The following PTPRD variants were observed in gnomAD, a reference collection of about 807,000 sequenced individuals.
The protein encoded by PTPRD is protein tyrosine phosphatase receptor type D, also known as receptor-type tyrosine-protein phosphatase delta.
In PTPRD, 34 loss-of-function variants were observed where a neutral mutation model predicts 214.5. That is an observed-to-expected ratio of 0.16 (90% CI 0.12 to 0.21). The LOEUF (loss-of-function observed/expected upper bound fraction) is 0.21. Among genes scored for constraint, PTPRD ranks in the 10% least tolerant of loss-of-function variants. The probability of loss-of-function intolerance (pLI) is 1.00; values close to 1 mark genes in which losing one functional copy is unlikely to be tolerated. For missense variants in PTPRD, 2,545 were observed against 2,398.7 expected, an observed-to-expected ratio of 1.06 and a Z score of -1.27; for synonymous variants, 1,128 against 845.7, an observed-to-expected ratio of 1.33 and a Z score of -5.79.
At chr9:10,445,239 C>G (rs143480625) in intron 2 of PTPRD, among the ~76,000 whole-genome samples, 12 of 152,104 alleles carry the variant, frequency 7.9e-5, no homozygotes, top group Non-Finnish European at 1.5e-4. Flanking sequence ...CAAATTATAG[C>G]CAGATCACAG....
At chr9:8,544,595 G>A (rs1404792111) in intron 14 of PTPRD, among the ~76,000 whole-genome samples, 1 of 148,228 alleles carries the variant, frequency 6.7e-6, no homozygotes, top group Non-Finnish European at 1.5e-5. Flanking sequence ...TCAGCCTCCC[G>A]AATAGCTGGG....
At chr9:9,616,593 G>GT (rs1393764178) in intron 7 of PTPRD, among the ~76,000 whole-genome samples, 18 of 152,010 alleles carry the variant, frequency 1.2e-4, no homozygotes, top group African/African-American at 4.4e-4. Flanking sequence ...GATCTTATTC[G>GT]TGAGGGCTGC....
At chr9:9,012,551 T>C (rs1050419876) in intron 11 of PTPRD, among the ~76,000 whole-genome samples, 1 of 152,130 alleles carries the variant, frequency 6.6e-6, no homozygotes, top group Non-Finnish European at 1.5e-5. Context: ...AAATATCAAA[T>C]GGGTAAGATG....
chr9:10,231,649 A>C (rs1227287555), intron 3 of PTPRD, among the ~76,000 whole-genome samples: 4 of 152,006 alleles, frequency 2.6e-5, no homozygotes, highest in Admixed American at 2.0e-4. Context: ...CCTGGCAAAT[A>C]GTAAGTGCTT....
At chr9:8,552,968 T>C (rs2082557446) in intron 14 of PTPRD, among the ~76,000 whole-genome samples, 2 of 152,272 alleles carry the variant, frequency 1.3e-5, no homozygotes, top group South Asian at 2.1e-4. Flanking sequence ...CATTCTGCAT[T>C]ACCCAGCCAT....
At chr9:9,213,781 T>G (rs1014986070) in intron 9 of PTPRD, among the ~76,000 whole-genome samples, 1 of 152,124 alleles carries the variant, frequency 6.6e-6, no homozygotes, top group African/African-American at 2.4e-5. Context: ...TATTCATCCC[T>G]TCACAGCATT....
At chr9:9,882,996 G>T (rs1018228718) in intron 5 of PTPRD, among the ~76,000 whole-genome samples, 2 of 152,044 alleles carry the variant, frequency 1.3e-5, no homozygotes, top group Non-Finnish European at 2.9e-5. Flanking sequence ...TTTGCATTCT[G>T]CCATGATTGT....
intron 7 of PTPRD, among the ~76,000 whole-genome samples, chr9:9,695,054 G>A (rs2097345822): frequency 6.6e-6 from 1 of 152,134 alleles, no homozygotes. Context: ...AGCCACCGTA[G>A]CTGAGAGTAT....
At chr9:8,609,310 G>T (rs761203668) in intron 14 of PTPRD, among the ~76,000 whole-genome samples, 4 of 152,136 alleles carry the variant, frequency 2.6e-5, no homozygotes, top group Non-Finnish European at 5.9e-5. Flanking sequence ...CTCCATAAAG[G>T]GCAGCAGCAC....
chr9:9,522,349 C>G (rs1174227753), intron 8 of PTPRD, among the ~76,000 whole-genome samples: 1 of 152,000 alleles, frequency 6.6e-6, no homozygotes, highest in African/African-American at 2.4e-5. Flanking sequence ...TGGAAGGGCA[C>G]ATATGTTGTA....
chr9:9,546,932 T>C (rs968491448), intron 8 of PTPRD, among the ~76,000 whole-genome samples: 4 of 151,426 alleles, frequency 2.6e-5, no homozygotes, highest in Non-Finnish European at 5.9e-5. Context: ...AAGACTTGTG[T>C]TAAAGTTCTC....
At chr9:8,759,113 C>A (rs1565847471) in intron 11 of PTPRD, among the ~76,000 whole-genome samples, 1 of 152,034 alleles carries the variant, frequency 6.6e-6, no homozygotes, top group Non-Finnish European at 1.5e-5. Flanking sequence ...TCACTGCAGC[C>A]TCAATCTCCT....
At chr9:10,269,655 A>G (rs977263617) in intron 3 of PTPRD, among the ~76,000 whole-genome samples, 2 of 152,124 alleles carry the variant, frequency 1.3e-5, no homozygotes, top group East Asian at 1.9e-4. Context: ...GTCTTGTAGA[A>G]AGTTCAAGAT....
chr9:9,035,729 T>C (rs894474192), intron 10 of PTPRD, among the ~76,000 whole-genome samples: 3 of 152,154 alleles, frequency 2.0e-5, no homozygotes, highest in Non-Finnish European at 4.4e-5. Context: ...ATTGGGTATA[T>C]TTGCTTGGCT....
At chr9:10,506,292 C>T (rs2045942380) in intron 2 of PTPRD, among the ~76,000 whole-genome samples, 1 of 151,940 alleles carries the variant, frequency 6.6e-6, no homozygotes, top group African/African-American at 2.4e-5. Context: ...TACCTGTTCC[C>T]CAAATTCTCC....
At chr9:8,710,230 C>G (rs1429786342) in intron 12 of PTPRD, among the ~76,000 whole-genome samples, 2 of 152,160 alleles carry the variant, frequency 1.3e-5, no homozygotes, top group African/African-American at 4.8e-5. Flanking sequence ...AAGCAAATTT[C>G]TGAAAGACTT....
At chr9:9,331,539 A>G (rs529689245) in intron 9 of PTPRD, among the ~76,000 whole-genome samples, 1 of 152,198 alleles carries the variant, frequency 6.6e-6, no homozygotes, top group African/African-American at 2.4e-5. Context: ...CAGGCAGTAT[A>G]ACAGCTCTCA....
chr9:9,474,169 T>C (rs2094844555), intron 8 of PTPRD, among the ~76,000 whole-genome samples: 1 of 152,132 alleles, frequency 6.6e-6, no homozygotes, highest in Non-Finnish European at 1.5e-5. Flanking sequence ...TTCATTCTGC[T>C]GCATATGGAT....
intron 6 of PTPRD, among the ~76,000 whole-genome samples, chr9:9,755,947 A>C (rs921043979): frequency 1.1e-4 from 16 of 152,068 alleles, no homozygotes; most frequent in Non-Finnish European, 2.1e-4. Context: ...ATAATTATAT[A>C]ATCATGAATA....
Sources: gnomAD v4.1 joint callset for allele counts (sites outside exome capture counted in the v4.1 genomes callset) on GRCh38, gnomAD v4.1.1 for gene constraint, MANE v1.5 for transcripts, NCBI Gene and HGNC (gene_info 2026-07-23, HGNC 2026-07-21) for gene names.